Variants in PREX2 observed in about 807,000 individuals in gnomAD.
PREX2 encodes phosphatidylinositol-3,4,5-trisphosphate dependent Rac exchange factor 2.
Under a neutral mutation model 203.2 loss-of-function variants are expected in PREX2, and 107 were observed. The observed-to-expected ratio is 0.53, with a 90% CI of 0.45 to 0.62. The LOEUF is 0.62. Ranked by LOEUF, PREX2 falls within the 20% of genes least tolerant of loss-of-function variation. The pLI, the probability that PREX2 is intolerant of heterozygous loss-of-function variation, is 0.00. For synonymous variants in PREX2, 672 were observed against 663.6 expected (o/e 1.01, Z -0.19); for missense variants, 1,777 against 1,955.9 (o/e 0.91, Z 1.72).
At chr8:67,994,908 T>G (rs974408974) in intron 1 of PREX2, among the ~76,000 whole-genome samples, 1 of 152,200 alleles carries the variant, frequency 6.6e-6, no homozygotes, top group Admixed American at 6.5e-5. Context: ...TATAAGACAT[T>G]TTATGCTAAG....
intron 35 of PREX2, among the ~76,000 whole-genome samples, chr8:68,158,051 A>G (rs1040983504): frequency 3.6e-4 from 46 of 128,930 alleles, no homozygotes; most frequent in African/African-American, 1.2e-3. Context: ...TTATTAGTGT[A>G]TGTGTGTGTG....
At chr8:67,954,460 T>G (rs1286320482) in intron 1 of PREX2, among the ~76,000 whole-genome samples, 1 of 152,230 alleles carries the variant, frequency 6.6e-6, no homozygotes, top group Non-Finnish European at 1.5e-5. Flanking sequence ...CTGAAGTTGA[T>G]GTAGTCACTC....
intron 14 of PREX2, among the ~76,000 whole-genome samples, chr8:68,076,425 C>T (rs1376021844): frequency 6.6e-6 from 1 of 151,888 alleles, no homozygotes; most frequent in Non-Finnish European, 1.5e-5. Flanking sequence ...CCACTGCATT[C>T]CAGCCTGAGC....
chr8:67,962,099 T>C (rs1805649035), intron 1 of PREX2, among the ~76,000 whole-genome samples: 1 of 152,240 alleles, frequency 6.6e-6, no homozygotes, highest in Non-Finnish European at 1.5e-5. Context: ...GAGTCAAATA[T>C]GGATTGATAT....
chr8:67,994,820 G>A (rs1470553759), intron 1 of PREX2, among the ~76,000 whole-genome samples: 1 of 152,142 alleles, frequency 6.6e-6, no homozygotes, highest in Non-Finnish European at 1.5e-5. Context: ...ACCTAGTGCT[G>A]TATGCCAGGA....
rs184109300 is a variant in PREX2 at position 68,094,718 on chromosome 8, T to A, written c.2368+996T>A. 5.1e-4 allele frequency among the ~76,000 whole-genome samples: 78 copies of A among 152,314 alleles called. 1 individual carries two copies. The Middle Eastern group carries it at 0.014, about 27-fold the overall frequency. On this transcript the variant is annotated intron_variant, in intron 21 of 39. Coordinates refer to ENST00000288368, the MANE Select transcript of PREX2 (RefSeq NM_024870.4). The stretch of plus-strand genomic sequence containing the variant: ...AAACCCTTCTGACATCCTGTATGTG[T>A]GGGGTTTTCCCCCATACCAACCAAT...
chr8:67,979,571 A>T (rs963901128), intron 1 of PREX2, among the ~76,000 whole-genome samples: 15 of 152,180 alleles, frequency 9.9e-5, no homozygotes, highest in African/African-American at 3.1e-4. Flanking sequence ...CTTGGACAAA[A>T]ATAAATGACA....
Position 68,118,571 on chromosome 8 carries a change from T to G in PREX2, c.3348T>G (p.Asn1116Lys). The G allele has an allele frequency of 6.2e-7, 1 of 1,613,952 alleles. No individual in the cohort carries two copies. Among genetic ancestry groups the G allele is most frequent in the South Asian group, 1.1e-5 (1 of 91,076 alleles). The change falls in exon 27 of 40, where the codon AAT becomes AAG. Residue 1116 changes from asparagine to lysine, a missense_variant. By Grantham distance (94) the Asn-to-Lys change is moderately conservative. Transcript: ENST00000288368. ...TCAGTGACTGCAACAGCAATAGGAATTCCATCGCCTCCTTCACCAGCATCT... is the reference window on the plus strand; with the variant it reads ...TCAGTGACTGCAACAGCAATAGGAAGTCCATCGCCTCCTTCACCAGCATCT... ...DSYSDCNSNR[N>K]SIASFTSICS... is the part of the protein sequence containing the mutation.
At chr8:68,214,551 A>G (rs573798002) in intron 37 of PREX2, among the ~76,000 whole-genome samples, 1 of 152,336 alleles carries the variant, frequency 6.6e-6, no homozygotes, top group African/African-American at 2.4e-5. Flanking sequence ...CTCTGAGTAT[A>G]TATTTATGTA....
At chr8:68,218,893 T>C (rs1179624146) in intron 38 of PREX2, among the ~76,000 whole-genome samples, 1 of 152,182 alleles carries the variant, frequency 6.6e-6, no homozygotes, top group African/African-American at 2.4e-5. Context: ...TGTGACATAC[T>C]GTGGGCCAGC....
chr8:68,027,282 A>G lies in PREX2; in HGVS notation c.502A>G (p.Thr168Ala). The G allele has an allele frequency of 6.2e-7, 1 of 1,611,670 alleles. No individual in the cohort carries two copies. The highest frequency in any genetic ancestry group is 8.5e-7 in the Non-Finnish European group (1 of 1,178,044). The change falls in exon 5 of 40, where the codon ACA becomes GCA. Residue 168 changes from threonine (T) to alanine (A), a missense_variant. Transcript: ENST00000288368. Reference protein sequence around the residue: ...TDVPLEGYLVTPIQRICKYPL... With the variant: ...TDVPLEGYLVAPIQRICKYPL... ...TGTTCCCTTGGAAGGATATTTAGTA[A>G]CACCAATACAAAGAATATGCAAGTA...
intron 37 of PREX2, among the ~76,000 whole-genome samples, chr8:68,214,677 T>A (rs184841910): frequency 7.9e-5 from 12 of 152,216 alleles, no homozygotes; most frequent in African/African-American, 2.9e-4. Flanking sequence ...TTGAGATAGT[T>A]GGGAGAAGAT....
chr8:68,231,577 A>G lies in PREX2; in HGVS notation c.*199A>G, dbSNP rs1282607267. ...TATGCTGGAAATGGATAGAAGTTCA[A>G]TCAGACAGTTCAGCTTCACGAACTG... On this transcript the variant is annotated 3_prime_UTR_variant, in exon 40 of 40. Coordinates refer to ENST00000288368, the MANE Select transcript of PREX2 (RefSeq NM_024870.4). 2.4e-6 allele frequency: 1 copy of G among 424,918 alleles called. No individual in the cohort carries two copies. Among genetic ancestry groups the G allele is most frequent in the Non-Finnish European group, 4.1e-6 (1 of 242,898 alleles). The allele number at this position is 424,918 out of a possible 1,614,324, so 26.3% of individuals were successfully genotyped here.
Position 68,083,232 on chromosome 8 carries a change from T to G in PREX2, c.1879-8T>G. 6.4e-7 allele frequency: 1 copy of G among 1,560,190 alleles called. No individual in the cohort carries two copies. The highest frequency in any genetic ancestry group is 8.7e-7 in the Non-Finnish European group (1 of 1,150,562). ...ACTTTGACTTATTTTTTGTAATTTC[T>G]CTCTTAGATGGCTGGCATGGAAGTC... On this transcript the variant is annotated splice_polypyrimidine_tract_variant and splice_region_variant and intron_variant, in intron 17 of 39. Coordinates refer to ENST00000288368, the MANE Select transcript of PREX2 (RefSeq NM_024870.4).
chr8:68,162,321 A>G (rs1433287604), intron 35 of PREX2, among the ~76,000 whole-genome samples: 1 of 152,186 alleles, frequency 6.6e-6, no homozygotes, highest in African/African-American at 2.4e-5. Flanking sequence ...TTACTAACAG[A>G]TCTAAATATA....
Position 68,018,888 on chromosome 8 carries a change from C to T in PREX2, c.214-661C>T, listed in dbSNP as rs1301867066. On this transcript the variant is annotated intron_variant, in intron 2 of 39. Coordinates refer to ENST00000288368, the MANE Select transcript of PREX2 (RefSeq NM_024870.4). ...TAAAGGTTCTTCTGACTCTATTTCC[C>T]CATGAGTAAAATAACTAACTTTAAA... Among the ~76,000 whole-genome samples, 15 of 152,274 alleles carry T rather than the reference C, an allele frequency of 9.9e-5. No individual in the cohort carries two copies. The East Asian group carries it at 2.7e-3, about 27-fold the overall frequency.
At chr8:68,001,810 A>G (rs1324667130) in intron 1 of PREX2, among the ~76,000 whole-genome samples, 1 of 152,222 alleles carries the variant, frequency 6.6e-6, no homozygotes, top group Non-Finnish European at 1.5e-5. Context: ...ATAGAGCTGA[A>G]GGCCATTGTC....
intron 23 of PREX2, chr8:68,105,679 G>A (rs1409327769): frequency 5.4e-6 from 1 of 185,730 alleles, no homozygotes; most frequent in Non-Finnish European, 5.9e-6. Flanking sequence ...TATATATATG[G>A]ATTATATATA....
intron 30 of PREX2, among the ~76,000 whole-genome samples, chr8:68,122,740 T>G (rs1438027004): frequency 6.6e-6 from 1 of 152,126 alleles, no homozygotes; most frequent in Non-Finnish European, 1.5e-5. Context: ...CTTCTTGGCT[T>G]CTGCGTTAAT....
Sources: allele counts gnomAD v4.1 joint callset (sites outside exome capture counted in the v4.1 genomes callset), GRCh38; gene constraint gnomAD v4.1.1; transcripts MANE v1.5; gene names NCBI Gene and HGNC (gene_info 2026-07-23, HGNC 2026-07-21).